Variants in EFNA5 observed in about 807,000 individuals in gnomAD.
The protein encoded by EFNA5 is ephrin-A5.
A neutral mutation model predicts 22.9 loss-of-function variants in EFNA5; 5 were observed. The ratio of observed to expected loss-of-function variants is 0.22; its 90% confidence interval spans 0.11 to 0.46. The LOEUF is 0.46. Among genes scored for constraint, EFNA5 ranks in the 20% least tolerant of loss-of-function variants. The pLI is 0.99. For synonymous variants in EFNA5, 113 were observed against 112.2 expected, an observed-to-expected ratio of 1.01 and a Z score of -0.04; for missense variants, 237 against 293.3, an observed-to-expected ratio of 0.81 and a Z score of 1.40.
intron 1 of EFNA5, among the ~76,000 whole-genome samples, chr5:107,556,609 G>A (rs574844053): frequency 6.6e-6 from 1 of 152,026 alleles, no homozygotes; most frequent in African/African-American, 2.4e-5. Flanking sequence ...AGCTGGGCAT[G>A]GTAGCGGGTA....
At position 107,584,526 on chromosome 5, in the gene EFNA5, C is replaced by T. The variant is rs141334540; in HGVS notation, c.125+85963G>A. Among the ~76,000 whole-genome samples the T allele has an allele frequency of 1.4e-3, 213 of 152,326 alleles. 1 individual carries two copies. The highest frequency in any genetic ancestry group is 4.8e-3 in the African/African-American group (200 of 41,576). On this transcript the variant is annotated intron_variant, in intron 1 of 4. Transcript: ENST00000333274. ...CTTTAAATTCAATAGTTGGACATTTCTCTCTCAAATATTATTTTGGATAGT... is the reference window on the plus strand; with the variant it reads ...CTTTAAATTCAATAGTTGGACATTTTTCTCTCAAATATTATTTTGGATAGT...
At chr5:107,550,569 G>A (rs533942092) in intron 1 of EFNA5, among the ~76,000 whole-genome samples, 24 of 152,214 alleles carry the variant, frequency 1.6e-4, no homozygotes, top group South Asian at 1.0e-3. Context: ...TAAATGATAC[G>A]ATATATGTAC....
intron 1 of EFNA5, among the ~76,000 whole-genome samples, chr5:107,531,992 C>T (rs1441846066): frequency 6.6e-6 from 1 of 152,088 alleles, no homozygotes; most frequent in Non-Finnish European, 1.5e-5. Context: ...TGATGCCTGC[C>T]TTTCTGAATA....
intron 1 of EFNA5, among the ~76,000 whole-genome samples, chr5:107,550,112 G>A (rs1305109097): frequency 1.3e-5 from 2 of 152,170 alleles, no homozygotes; most frequent in Non-Finnish European, 2.9e-5. Flanking sequence ...GTCATCATGG[G>A]CAAAGTGCCC....
At chr5:107,566,461 C>T (rs73781114) in intron 1 of EFNA5, among the ~76,000 whole-genome samples, 2,204 of 152,158 alleles carry the variant, frequency 0.014, 60 homozygotes, top group African/African-American at 0.05. Context: ...GTTTCCAGCT[C>T]GCTTAAAAGG....
At chr5:107,430,950 A>AT (rs747449140) in intron 1 of EFNA5, among the ~76,000 whole-genome samples, 1 of 151,654 alleles carries the variant, frequency 6.6e-6, no homozygotes, top group South Asian at 2.1e-4. Context: ...TGATTTTTGT[A>AT]TTTTTAGTAG....
At chr5:107,601,338 C>A (rs962998679) in intron 1 of EFNA5, among the ~76,000 whole-genome samples, 1 of 152,156 alleles carries the variant, frequency 6.6e-6, no homozygotes, top group Non-Finnish European at 1.5e-5. Flanking sequence ...AGGAAGATAA[C>A]GTAACCCATA....
chr5:107,543,459 T>A (rs918829109), intron 1 of EFNA5, among the ~76,000 whole-genome samples: 14 of 152,216 alleles, frequency 9.2e-5, no homozygotes, highest in Non-Finnish European at 1.8e-4. Context: ...GTTATCTTCC[T>A]TACCCAAAAA....
intron 1 of EFNA5, among the ~76,000 whole-genome samples, chr5:107,431,580 C>T (rs771337823): frequency 2.6e-5 from 4 of 152,132 alleles, no homozygotes; most frequent in Non-Finnish European, 5.9e-5. Flanking sequence ...CAATATTACA[C>T]AACTAGTAAA....
At chr5:107,512,568 G>A (rs1747394101) in intron 1 of EFNA5, among the ~76,000 whole-genome samples, 1 of 151,902 alleles carries the variant, frequency 6.6e-6, no homozygotes, top group East Asian at 1.9e-4. Flanking sequence ...ACTTTGTGCT[G>A]ATTTCCAGTG....
At chr5:107,617,953 A>C (rs963547744) in intron 1 of EFNA5, among the ~76,000 whole-genome samples, 44 of 152,138 alleles carry the variant, frequency 2.9e-4, no homozygotes, top group African/African-American at 1.0e-3. Context: ...CTAGAAGCCC[A>C]GGCACAGGAG....
intron 1 of EFNA5, among the ~76,000 whole-genome samples, chr5:107,612,235 T>C (rs1239195138): frequency 1.3e-5 from 2 of 152,186 alleles, no homozygotes; most frequent in African/African-American, 2.4e-5. Context: ...ATTTTACTGA[T>C]AAATATGTAA....
intron 1 of EFNA5, among the ~76,000 whole-genome samples, chr5:107,481,732 C>A (rs1750467675): frequency 6.6e-6 from 1 of 151,820 alleles, no homozygotes; most frequent in South Asian, 2.1e-4. Flanking sequence ...CACCTGTAAT[C>A]CCTGCTACTC....
rs1325334559 is a variant in EFNA5 at position 107,378,817 on chromosome 5, A to C, written c.*2438T>G. ...AAACCACAGAAGTCACCATTTCTAA[A>C]ATGCATTTAGCACTGCTAACATAGT... On this transcript the variant is annotated 3_prime_UTR_variant, in exon 5 of 5. Coordinates refer to ENST00000333274, the MANE Select transcript of EFNA5 (RefSeq NM_001962.3). The C allele has an allele frequency of 6.6e-6, 1 of 152,196 alleles. No homozygotes were observed. The highest frequency in any genetic ancestry group is 1.5e-5 in the Non-Finnish European group (1 of 68,034). The allele number at this position is 152,196 out of a possible 1,614,324, so 9.4% of individuals were successfully genotyped here.
At chr5:107,669,986 GCT>G (rs1453146186) in intron 1 of EFNA5, among the ~76,000 whole-genome samples, 1 of 149,146 alleles carries the variant, frequency 6.7e-6, no homozygotes, top group Admixed American at 6.7e-5. Context: ...CAGCCCGTGC[GCT>G]CTCTCTGCGC....
chr5:107,381,478 G>C (rs1561361891), intron 4 of EFNA5, 102 bp from the exon 5 acceptor site: 2 of 1,349,178 alleles, frequency 1.5e-6, no homozygotes, highest in Non-Finnish European at 2.0e-6. Flanking sequence ...CTGCAAAGTA[G>C]GGTAATGAAC....
intron 1 of EFNA5, among the ~76,000 whole-genome samples, chr5:107,508,394 C>T (rs1727362208): frequency 6.6e-6 from 1 of 152,210 alleles, no homozygotes; most frequent in African/African-American, 2.4e-5. Flanking sequence ...GACACAAACA[C>T]ACACACAGAC....
At chr5:107,613,015 C>T (rs558450271) in intron 1 of EFNA5, among the ~76,000 whole-genome samples, 2 of 151,950 alleles carry the variant, frequency 1.3e-5, no homozygotes, top group Non-Finnish European at 2.9e-5. Flanking sequence ...CATCTACGAA[C>T]AGTGATACAG....
At chr5:107,597,740 C>T (rs1749503538) in intron 1 of EFNA5, among the ~76,000 whole-genome samples, 1 of 152,046 alleles carries the variant, frequency 6.6e-6, no homozygotes, top group Admixed American at 6.6e-5. Flanking sequence ...AGATGAATTT[C>T]AACAGACCGT....
Sources: gnomAD v4.1 joint callset for allele counts (sites outside exome capture counted in the v4.1 genomes callset) on GRCh38, gnomAD v4.1.1 for gene constraint, MANE v1.5 for transcripts, NCBI Gene and HGNC (gene_info 2026-07-23, HGNC 2026-07-21) for gene names.